APOO: variants seen among roughly 807,000 people sequenced by gnomAD.
The protein encoded by APOO is apolipoprotein O.
A neutral mutation model predicts 23.1 loss-of-function variants in APOO; 11 were observed. The observed-to-expected ratio is 0.48, with a 90% CI of 0.30 to 0.79. The LOEUF (loss-of-function observed/expected upper bound fraction) is 0.79. Ranked by LOEUF, APOO falls within the 30% of genes least tolerant of loss-of-function variation. APOO has a pLI of 0.07. For synonymous variants in APOO, 59 were observed against 54.8 expected, an observed-to-expected ratio of 1.08 and a Z score of -0.34; for missense variants, 160 against 142.7, an observed-to-expected ratio of 1.12 and a Z score of -0.62.
At chrX:23,906,927 A>G (rs1927383296) in intron 1 of APOO, among the ~76,000 whole-genome samples, 1 of 112,472 alleles carries the variant, frequency 8.9e-6, no homozygotes, top group Non-Finnish European at 1.9e-5. Context: ...TGAATAGTAC[A>G]ATTCTGAGAT....
At chrX:23,905,281 C>T (rs1318174628) in intron 1 of APOO, among the ~76,000 whole-genome samples, 1 of 109,872 alleles carries the variant, frequency 9.1e-6, no homozygotes, top group Non-Finnish European at 1.9e-5. Flanking sequence ...ATCCTAGCTA[C>T]TCAGAGGCTG....
At chrX:23,876,826 C>T (rs1925880343) in intron 3 of APOO, among the ~76,000 whole-genome samples, 1 of 111,752 alleles carries the variant, frequency 8.9e-6, no homozygotes, top group Non-Finnish European at 1.9e-5. Context: ...AACAAAAAAA[C>T]AAAATTAAAT....
At chrX:23,900,674 CAAAAA>C (rs967658475) in intron 1 of APOO, among the ~76,000 whole-genome samples, 1 of 24,809 alleles carries the variant, frequency 4.0e-5, no homozygotes, top group Admixed American at 4.5e-4. Flanking sequence ...GACTCCGGCT[CAAAAA>C]AAAAAAAAAA....
chrX:23,868,549 T>C, intron 5 of APOO, 44 bp downstream of exon 5: 1 of 1,049,079 alleles, frequency 9.5e-7, no homozygotes, highest in East Asian at 3.0e-5. Flanking sequence ...ATATTCTATC[T>C]CTGCTTTATG....
chrX:23,896,788 C>T (rs184616976), intron 1 of APOO, among the ~76,000 whole-genome samples: 4 of 95,810 alleles, frequency 4.2e-5, no homozygotes, highest in African/African-American at 1.1e-4. Flanking sequence ...ATGGGTGTGA[C>T]GGAGCACACT....
intron 7 of APOO, among the ~76,000 whole-genome samples, chrX:23,845,933 T>C (rs760733718): frequency 8.9e-6 from 1 of 112,058 alleles, no homozygotes; most frequent in South Asian, 3.7e-4. Context: ...TGATAGTAAT[T>C]TGTTGCATTA....
At chrX:23,865,556 A>G (rs776251424) in intron 5 of APOO, among the ~76,000 whole-genome samples, 1 of 108,325 alleles carries the variant, frequency 9.2e-6, no homozygotes, top group South Asian at 4.1e-4. Flanking sequence ...TGAGGCTGAG[A>G]TGGCGCCACT....
At chrX:23,906,792 C>G (rs1298695654) in intron 1 of APOO, among the ~76,000 whole-genome samples, 1 of 112,334 alleles carries the variant, frequency 8.9e-6, no homozygotes, top group African/African-American at 3.2e-5. Flanking sequence ...GGCACAGTGA[C>G]TTGCCCAAGG....
At position 23,889,827 on chromosome X, in the gene APOO, A is replaced by G. The variant is rs1461089092; in HGVS notation, c.10-8875T>C. 6.4e-5 allele frequency among the ~76,000 whole-genome samples: 7 copies of G among 109,143 alleles called. No individual in the cohort carries two copies. The East Asian group carries it at 1.7e-3, about 27-fold the overall frequency. 94.8% of individuals were successfully genotyped at this position (109,143 alleles called of 115,157 possible). ...CAGGCACCAGCCACCACGCCTGGCT[A>G]ATTTTTTGTATTTTTAGTAGAGACG... On this transcript the variant is annotated intron_variant, in intron 1 of 8. Coordinates refer to ENST00000379226, the MANE Select transcript of APOO (RefSeq NM_024122.5).
intron 3 of APOO, among the ~76,000 whole-genome samples, chrX:23,874,849 A>C (rs1021861615): frequency 8.9e-6 from 1 of 112,432 alleles, no homozygotes; most frequent in African/African-American, 3.2e-5. Flanking sequence ...CATTAATTAG[A>C]GCCTACATCT....
At chrX:23,857,922 AAC>A (rs1314959082) in intron 6 of APOO, among the ~76,000 whole-genome samples, 2 of 111,162 alleles carry the variant, frequency 1.8e-5, no homozygotes, top group African/African-American at 6.5e-5. Flanking sequence ...GGCTTGCTAA[AAC>A]ACAGACTGCT....
chrX:23,867,906 C>A (rs1925418469), intron 5 of APOO, among the ~76,000 whole-genome samples: 2 of 112,008 alleles, frequency 1.8e-5, no homozygotes, highest in Non-Finnish European at 3.8e-5. Context: ...CAAACTAATA[C>A]AGGGACCAGA....
intron 1 of APOO, among the ~76,000 whole-genome samples, chrX:23,884,790 C>T (rs974768496): frequency 9.0e-6 from 1 of 110,930 alleles, no homozygotes; most frequent in African/African-American, 3.3e-5. Flanking sequence ...TTTAAGTGAC[C>T]TTGGGGTTTC....
rs756132145 is a variant in APOO at position 23,889,686 on chromosome X, A to G, written c.10-8734T>C. On this transcript the variant is annotated intron_variant, in intron 1 of 8. Transcript: ENST00000379226. ...TTTTTTTTTTTTTTTTTTTTAAGAC[A>G]GAGCCTCGCTCTGTCGCCCAGGCTG... 3.4e-3 allele frequency among the ~76,000 whole-genome samples: 314 copies of G among 93,091 alleles called. 2 individuals carry two copies. The highest frequency in any genetic ancestry group is 0.012 in the African/African-American group (280 of 23,824). 80.8% of individuals were successfully genotyped at this position (93,091 alleles called of 115,157 possible).
intron 1 of APOO, among the ~76,000 whole-genome samples, chrX:23,889,207 C>G (rs1926513888): frequency 1.8e-5 from 2 of 111,381 alleles, no homozygotes; most frequent in African/African-American, 6.5e-5. Flanking sequence ...AAGGTAGATT[C>G]TTAGACACAG....
At chrX:23,860,099 G>A (rs999284292) in intron 5 of APOO, among the ~76,000 whole-genome samples, 1 of 111,548 alleles carries the variant, frequency 9.0e-6, no homozygotes, top group Non-Finnish European at 1.9e-5. Flanking sequence ...AAAATGGAGA[G>A]TGAACGGAAA....
chrX:23,887,854 T>C (rs1427109727), intron 1 of APOO, among the ~76,000 whole-genome samples: 1 of 111,918 alleles, frequency 8.9e-6, no homozygotes, highest in African/African-American at 3.2e-5. Flanking sequence ...CTCGGGAGTA[T>C]ACCCTTCAGT....
At chrX:23,896,511 G>A (rs1014358496) in intron 1 of APOO, among the ~76,000 whole-genome samples, 3 of 111,621 alleles carry the variant, frequency 2.7e-5, no homozygotes, top group Non-Finnish European at 5.6e-5. Context: ...TAAATATAAT[G>A]ACAGTATAAT....
intron 7 of APOO, among the ~76,000 whole-genome samples, chrX:23,851,270 T>C (rs1432122865): frequency 2.7e-5 from 3 of 110,386 alleles, no homozygotes; most frequent in Non-Finnish European, 5.7e-5. Flanking sequence ...CTTGGCTCAC[T>C]GTAACCTCCA....
Sources: gnomAD v4.1 joint callset for allele counts (sites outside exome capture counted in the v4.1 genomes callset) on GRCh38, gnomAD v4.1.1 for gene constraint, MANE v1.5 for transcripts, NCBI Gene and HGNC (gene_info 2026-07-23, HGNC 2026-07-21) for gene names.